The following RAB2A variants were observed in gnomAD, a reference collection of about 807,000 sequenced individuals.
RAB2A encodes RAB2A, member RAS oncogene family.
Under a neutral mutation model 32.5 loss-of-function variants are expected in RAB2A, and 7 were observed. The observed-to-expected ratio is 0.22, with a 90% confidence interval of 0.12 to 0.40. RAB2A has a LOEUF of 0.40. RAB2A is among the 10% of genes least tolerant of loss of function. The pLI, the probability that RAB2A is intolerant of heterozygous loss-of-function variation, is 1.00. For missense variants in RAB2A, 108 were observed against 260.7 expected, an observed-to-expected ratio of 0.41 and a Z score of 4.03; for synonymous variants, 79 against 85.2, an observed-to-expected ratio of 0.93 and a Z score of 0.40.
At chr8:60,600,965 C>G (rs1422647340) in intron 6 of RAB2A, among the ~76,000 whole-genome samples, 5 of 152,166 alleles carry the variant, frequency 3.3e-5, no homozygotes, top group Non-Finnish European at 7.4e-5. Context: ...TGTATTATTT[C>G]TTACACCTGC....
At position 60,524,253 on chromosome 8, in the gene RAB2A, AT is replaced by A. The variant is rs112727665; in HGVS notation, c.46+7004del. Among the ~76,000 whole-genome samples the A allele has an allele frequency of 2.3e-3, 353 of 152,116 alleles. 2 individuals are homozygous for A. Among genetic ancestry groups the A allele is most frequent in the African/African-American group, 8.0e-3 (330 of 41,482 alleles). ...ATCTCCCCAACTGCTTCCCTCCTTC[AT>A]TTTAATTCTTCAGCTCTCCTCCTCT... On this transcript the variant is annotated intron_variant, in intron 1 of 7. Transcript: ENST00000262646.
intron 1 of RAB2A, 38 bp downstream of exon 1, chr8:60,517,291 C>A: frequency 6.8e-7 from 1 of 1,470,120 alleles, no homozygotes; most frequent in Non-Finnish European, 9.0e-7. Context: ...GTGTCGGCGG[C>A]CTCCGGACCC....
chr8:60,526,046 T>TAC (rs1807380761), intron 1 of RAB2A, among the ~76,000 whole-genome samples: 1 of 121,404 alleles, frequency 8.2e-6, no homozygotes, highest in Admixed American at 8.3e-5. Context: ...TATATATATA[T>TAC]ATATATATAT....
chr8:60,598,081 C>T (rs1470150516), intron 6 of RAB2A, among the ~76,000 whole-genome samples: 1 of 152,036 alleles, frequency 6.6e-6, no homozygotes, highest in Non-Finnish European at 1.5e-5. Context: ...GCCTGTAATC[C>T]CGGCTACTCG....
intron 6 of RAB2A, among the ~76,000 whole-genome samples, chr8:60,599,206 G>A (rs1028330762): frequency 1.5e-4 from 23 of 152,022 alleles, no homozygotes. Flanking sequence ...GAAATACTTA[G>A]GGGTGAATCT....
intron 2 of RAB2A, among the ~76,000 whole-genome samples, chr8:60,560,459 A>G (rs966832388): frequency 6.6e-6 from 1 of 152,210 alleles, no homozygotes; most frequent in Non-Finnish European, 1.5e-5. Flanking sequence ...AAACTAGCCA[A>G]CTTTAGGCAT....
At chr8:60,564,067 T>G (rs1808066576) in intron 2 of RAB2A, among the ~76,000 whole-genome samples, 1 of 152,246 alleles carries the variant, frequency 6.6e-6, no homozygotes, top group Non-Finnish European at 1.5e-5. Context: ...TAGTACTACC[T>G]GACAATTGTA....
At chr8:60,589,541 A>G (rs1228524315) in intron 5 of RAB2A, among the ~76,000 whole-genome samples, 2 of 152,190 alleles carry the variant, frequency 1.3e-5, no homozygotes, top group East Asian at 1.9e-4. Context: ...TAAATTGGTT[A>G]TATAAGAAAT....
intron 1 of RAB2A, among the ~76,000 whole-genome samples, chr8:60,523,742 G>A (rs1807336638): frequency 6.7e-6 from 1 of 148,338 alleles, no homozygotes. Context: ...CCAGGCTAGA[G>A]TGCAGTGGCG....
At chr8:60,613,872 G>T (rs1176346728) in intron 6 of RAB2A, among the ~76,000 whole-genome samples, 4 of 152,146 alleles carry the variant, frequency 2.6e-5, no homozygotes. Flanking sequence ...ACTTTTAGCA[G>T]TTGAGAAGAA....
chr8:60,602,452 A>G (rs996985093), intron 6 of RAB2A, among the ~76,000 whole-genome samples: 2 of 152,242 alleles, frequency 1.3e-5, no homozygotes, highest in Admixed American at 6.5e-5. Flanking sequence ...TCATTCAACA[A>G]GTAATATTGG....
At position 60,561,878 on chromosome 8, in the gene RAB2A, G is replaced by A. The variant is rs186832599; in HGVS notation, c.118+2955G>A. On this transcript the variant is annotated intron_variant, in intron 2 of 7. Coordinates refer to ENST00000262646, the MANE Select transcript of RAB2A (RefSeq NM_002865.3). ...CCTAGCTATTCTATTTAGTCATCAT[G>A]TCCTTATCTTTTGTCCCCTGTAATG... Among the ~76,000 whole-genome samples, 7 of 152,252 alleles carry A rather than the reference G, an allele frequency of 4.6e-5. No homozygotes were observed. The East Asian group carries it at 1.4e-3, about 29-fold the overall frequency.
At chr8:60,526,281 C>T (rs1363374772) in intron 1 of RAB2A, among the ~76,000 whole-genome samples, 1 of 152,032 alleles carries the variant, frequency 6.6e-6, no homozygotes, top group African/African-American at 2.4e-5. Context: ...CGTTTCCTTC[C>T]TGGCTATCAT....
At chr8:60,612,136 A>G (rs1278222645) in intron 6 of RAB2A, among the ~76,000 whole-genome samples, 2 of 150,832 alleles carry the variant, frequency 1.3e-5, no homozygotes, top group Non-Finnish European at 3.0e-5. Context: ...CTTTTCCCCA[A>G]CCTCCCTACA....
chr8:60,519,338 C>T (rs1417565908), intron 1 of RAB2A, among the ~76,000 whole-genome samples: 2 of 148,964 alleles, frequency 1.3e-5, no homozygotes, highest in Non-Finnish European at 2.9e-5. Context: ...CCGCTATTCC[C>T]CACCTTGCTT....
At chr8:60,566,288 GT>G (rs1309327991) in intron 2 of RAB2A, among the ~76,000 whole-genome samples, 3 of 152,044 alleles carry the variant, frequency 2.0e-5, no homozygotes, top group Non-Finnish European at 4.4e-5. Context: ...AGCTCATTCA[GT>G]TTTTAATGTT....
At chr8:60,578,221 G>A (rs900690902) in intron 3 of RAB2A, among the ~76,000 whole-genome samples, 3 of 152,144 alleles carry the variant, frequency 2.0e-5, no homozygotes, top group Non-Finnish European at 4.4e-5. Flanking sequence ...ATATACTCTA[G>A]TACTCTGAGT....
intron 3 of RAB2A, among the ~76,000 whole-genome samples, chr8:60,576,840 G>A (rs961164377): frequency 2.6e-5 from 4 of 152,082 alleles, no homozygotes; most frequent in African/African-American, 9.7e-5. Flanking sequence ...CCCTTAAGCT[G>A]GGAGTTGAGG....
At chr8:60,590,774 G>A (rs1803929996) in intron 5 of RAB2A, among the ~76,000 whole-genome samples, 1 of 151,580 alleles carries the variant, frequency 6.6e-6, no homozygotes, top group Admixed American at 6.6e-5. Flanking sequence ...AAAACATAGT[G>A]TTGACCAAAG....
Sources: allele counts gnomAD v4.1 joint callset (sites outside exome capture counted in the v4.1 genomes callset), GRCh38; gene constraint gnomAD v4.1.1; transcripts MANE v1.5; gene names NCBI Gene and HGNC (gene_info 2026-07-23, HGNC 2026-07-21).